B3GAT2: variants seen among roughly 807,000 people sequenced by gnomAD.
B3GAT2 encodes the protein beta-1,3-glucuronyltransferase 2, also known as galactosylgalactosylxylosylprotein 3-beta-glucuronosyltransferase 2.
A neutral mutation model predicts 27.8 loss-of-function variants in B3GAT2; 26 were observed. The observed-to-expected ratio is 0.93, with a 90% CI of 0.68 to 1.30. B3GAT2 has a LOEUF of 1.30. Among genes scored for constraint, B3GAT2 ranks in the 50% most tolerant of loss-of-function variants. The pLI, the probability that B3GAT2 is intolerant of heterozygous loss-of-function variation, is 0.00. For synonymous variants in B3GAT2, 218 were observed against 195.1 expected, an observed-to-expected ratio of 1.12 and a Z score of -0.98; for missense variants, 458 against 459.0, an observed-to-expected ratio of 1.00 and a Z score of 0.02.
chr6:70,955,810 C>A lies in B3GAT2; in HGVS notation c.591+29G>T. The A allele has an allele frequency of 3.9e-6, 6 of 1,549,144 alleles. No homozygotes were observed. The African/African-American group carries it at 4.2e-5, about 11-fold the overall frequency. On this transcript the variant is annotated intron_variant, in intron 1 of 3. Coordinates refer to ENST00000230053, the MANE Select transcript of B3GAT2 (RefSeq NM_080742.3). ...GCCCGGAGGCCCACTCCCGCCCTCG[C>A]CCACCCAGCGGGGCAGGCTGGCCTT...
chr6:70,955,133 C>T (rs1765632828), intron 1 of B3GAT2, among the ~76,000 whole-genome samples: 2 of 150,092 alleles, frequency 1.3e-5, no homozygotes. Context: ...AAAGACGTAA[C>T]CACAGGGCAG....
chr6:70,952,278 A>G (rs1765589837), intron 1 of B3GAT2, among the ~76,000 whole-genome samples: 1 of 152,114 alleles, frequency 6.6e-6, no homozygotes, highest in Non-Finnish European at 1.5e-5. Flanking sequence ...AGTGTCTGAG[A>G]GCCAGCCTGT....
At chr6:70,912,276 C>T (rs919647607) in intron 1 of B3GAT2, among the ~76,000 whole-genome samples, 1 of 151,804 alleles carries the variant, frequency 6.6e-6, no homozygotes, top group African/African-American at 2.4e-5. Flanking sequence ...ACAGATAGCT[C>T]TTATTATTTT....
At position 70,857,701 on chromosome 6, in the gene B3GAT2, T is replaced by G. The variant is rs1295946493; in HGVS notation, c.*3962A>C. The G allele has an allele frequency of 3.6e-6, 2 of 553,076 alleles. No individual in the cohort carries two copies. The highest frequency in any genetic ancestry group is 6.1e-5 in the East Asian group (2 of 32,970). 34.3% of individuals were successfully genotyped at this position (553,076 alleles called of 1,614,324 possible). ...GGCTGTTGCATATGATTTACATTTC[T>G]TAATTAAATTTACTCAGGTTAATAA... On this transcript the variant is annotated 3_prime_UTR_variant, in exon 4 of 4. Transcript: ENST00000230053.
intron 1 of B3GAT2, among the ~76,000 whole-genome samples, chr6:70,918,433 CATT>C (rs1466339440): frequency 6.6e-6 from 1 of 152,178 alleles, no homozygotes; most frequent in African/African-American, 2.4e-5. Flanking sequence ...TTGATCCTGT[CATT>C]ATGATGTTAG....
At chr6:70,872,768 C>G (rs570871247) in intron 2 of B3GAT2, among the ~76,000 whole-genome samples, 9 of 151,834 alleles carry the variant, frequency 5.9e-5, no homozygotes, top group Non-Finnish European at 1.0e-4. Flanking sequence ...TCCTCTATTT[C>G]TCTATTACTG....
chr6:70,902,095 G>A (rs1772508785), intron 1 of B3GAT2, among the ~76,000 whole-genome samples: 1 of 152,106 alleles, frequency 6.6e-6, no homozygotes, highest in African/African-American at 2.4e-5. Flanking sequence ...GTGAATTCTG[G>A]TATGGACTGT....
chr6:70,893,629 A>G (rs1769906627), intron 2 of B3GAT2, among the ~76,000 whole-genome samples: 1 of 152,192 alleles, frequency 6.6e-6, no homozygotes, highest in South Asian at 2.1e-4. Flanking sequence ...CCAGAAATCT[A>G]AGTTTATATT....
chr6:70,875,287 T>C (rs929214636), intron 2 of B3GAT2, among the ~76,000 whole-genome samples: 18 of 152,202 alleles, frequency 1.2e-4, no homozygotes, highest in African/African-American at 4.3e-4. Flanking sequence ...TTTTTTCCCC[T>C]GGCCCTGTAC....
At chr6:70,875,266 C>G (rs1771997534) in intron 2 of B3GAT2, among the ~76,000 whole-genome samples, 1 of 152,200 alleles carries the variant, frequency 6.6e-6, no homozygotes, top group South Asian at 2.1e-4. Context: ...AAAACTGCTA[C>G]TTAACTACTT....
At chr6:70,884,010 C>A (rs1192661796) in intron 2 of B3GAT2, among the ~76,000 whole-genome samples, 1 of 150,462 alleles carries the variant, frequency 6.6e-6, no homozygotes, top group African/African-American at 2.5e-5. Flanking sequence ...CGATAACGAG[C>A]CACAGGAAGG....
In B3GAT2 at chr6:70,895,618, G is replaced by A. The variant is rs902144285; in HGVS notation, c.592-1346C>T. Among the ~76,000 whole-genome samples the A allele has an allele frequency of 2.8e-5, 4 of 144,102 alleles. No individual in the cohort carries two copies. The Admixed American group carries it at 3.0e-4, about 11-fold the overall frequency. 94.5% of individuals were successfully genotyped at this position (144,102 alleles called of 152,430 possible). ...CCTCCCGGGTTCAAGTAATTCTCCT[G>A]CCTCAGCCTCCTGAGTAGCTCGATT... On this transcript the variant is annotated intron_variant, in intron 1 of 3. Coordinates refer to ENST00000230053, the MANE Select transcript of B3GAT2 (RefSeq NM_080742.3).
At position 70,861,868 on chromosome 6, in the gene B3GAT2, CTGT is replaced by C. The variant is rs745561732; in HGVS notation, c.844_846del (p.Thr282del). 1.7e-5 allele frequency: 28 copies of C among 1,613,894 alleles called. No homozygotes were observed. Among genetic ancestry groups the C allele is most frequent in the Non-Finnish European group, 2.0e-5 (24 of 1,179,982 alleles). On this transcript the variant is annotated inframe_deletion, in exon 3 of 4. Transcript: ENST00000230053. ...TTTGCTTTCGGTTCCAGTTCTTCGA[CTGT>C]TGTTATCTGTTTGAGAAAGTCAGAT...
Position 70,858,248 on chromosome 6 carries a change from C to G in B3GAT2, c.*3415G>C, listed in dbSNP as rs1771522573. 1 of 1,105,792 alleles carries G rather than the reference C, an allele frequency of 9.0e-7. No homozygotes were observed. The highest frequency in any genetic ancestry group is 1.3e-5 in the South Asian group (1 of 75,818). 68.5% of individuals were successfully genotyped at this position (1,105,792 alleles called of 1,614,324 possible). A position where few individuals can be genotyped will look rare whatever the true frequency, so the allele number is the denominator to read the frequency against. On this transcript the variant is annotated 3_prime_UTR_variant, in exon 4 of 4. Transcript: ENST00000230053. The stretch of plus-strand genomic sequence containing the variant: ...CTCACAGGTAGGGGTCATTTACTTT[C>G]TAGCTTCTCCCAAATCAAACCAGAT...
chr6:70,917,660 T>C (rs889849929), intron 1 of B3GAT2, among the ~76,000 whole-genome samples: 2 of 152,228 alleles, frequency 1.3e-5, no homozygotes, highest in African/African-American at 4.8e-5. Flanking sequence ...ATTTACCCAG[T>C]AGTCATTCAG....
At chr6:70,938,108 AACAG>A (rs1765326574) in intron 1 of B3GAT2, among the ~76,000 whole-genome samples, 1 of 150,910 alleles carries the variant, frequency 6.6e-6, no homozygotes, top group Non-Finnish European at 1.5e-5. Flanking sequence ...ATACACCAAT[AACAG>A]ACAAACAGAG....
At chr6:70,869,882 C>T (rs1771906067) in intron 2 of B3GAT2, among the ~76,000 whole-genome samples, 1 of 152,094 alleles carries the variant, frequency 6.6e-6, no homozygotes, top group Admixed American at 6.5e-5. Context: ...ATTAAAAAGT[C>T]AGGAAACAAC....
At chr6:70,881,538 C>G (rs1401040775) in intron 2 of B3GAT2, among the ~76,000 whole-genome samples, 1 of 152,102 alleles carries the variant, frequency 6.6e-6, no homozygotes, top group East Asian at 1.9e-4. Context: ...ACAGAAAAAC[C>G]AGGGAGTTAC....
At chr6:70,893,126 C>T (rs1053256264) in intron 2 of B3GAT2, among the ~76,000 whole-genome samples, 3 of 152,192 alleles carry the variant, frequency 2.0e-5, no homozygotes, top group Non-Finnish European at 2.9e-5. Flanking sequence ...TGTCCATGAG[C>T]GCTGTGCCCC....
Sources: allele counts gnomAD v4.1 joint callset (sites outside exome capture counted in the v4.1 genomes callset), GRCh38; gene constraint gnomAD v4.1.1; transcripts MANE v1.5; gene names NCBI Gene and HGNC (gene_info 2026-07-23, HGNC 2026-07-21).